The following EXTL3 variants were observed in gnomAD, a reference collection of about 807,000 sequenced individuals.
EXTL3 encodes the protein exostosin-like 3.
In EXTL3, 27 loss-of-function variants were observed where a neutral mutation model predicts 69.3. That is an observed-to-expected ratio of 0.39 (90% CI 0.29 to 0.54). The LOEUF (loss-of-function observed/expected upper bound fraction) is 0.54. Ranked by LOEUF, EXTL3 falls within the 20% of genes least tolerant of loss-of-function variation. The pLI, the probability that EXTL3 is intolerant of heterozygous loss-of-function variation, is 0.69. For synonymous variants in EXTL3, 511 were observed against 499.4 expected (o/e 1.02, Z -0.31); for missense variants, 1,003 against 1,231.8 (o/e 0.81, Z 2.78).
At chr8:28,702,465 C>T (rs1271348885) in intron 1 of EXTL3, among the ~76,000 whole-genome samples, 1 of 152,226 alleles carries the variant, frequency 6.6e-6, no homozygotes, top group East Asian at 1.9e-4. Flanking sequence ...GTGCTGCTTT[C>T]TCTTCCCCAC....
rs946108865 is a variant in EXTL3 at position 28,654,924 on chromosome 8, A to ATG, written c.-53+32114_-53+32115insTG. Among the ~76,000 whole-genome samples the ATG allele has an allele frequency of 2.2e-4, 33 of 152,178 alleles. 1 individual carries two copies. Among genetic ancestry groups the ATG allele is most frequent in the Admixed American group, 1.8e-3 (28 of 15,270 alleles). ...AAACAGAGAACTATTATTTAGTCAA[A>ATG]CCTTTTGGGCTTAGAGAAATAAAAT... On this transcript the variant is annotated intron_variant, in intron 1 of 6. Coordinates refer to the EXTL3 transcript ENST00000523149.
Position 28,623,885 on chromosome 8 carries a change from G to A in EXTL3, c.-53+1075G>A, listed in dbSNP as rs188955861. On this transcript the variant is annotated intron_variant, in intron 1 of 6. Coordinates refer to the EXTL3 transcript ENST00000523149. This position sits in a 1 kb window ranked among gnomAD's most constrained non-coding sequence, Gnocchi z 4.2. ...GCAGATGGGAAATCAGGCAAGCTTG[G>A]TTTTAAAACGTTTCTGCCTCTGAGA... Among the ~76,000 whole-genome samples the A allele has an allele frequency of 7.2e-5, 11 of 152,278 alleles. No homozygotes were observed. In the East Asian group the frequency reaches 1.7e-3, roughly 24 times the overall value.
At chr8:28,675,218 G>A (rs1313218912) in intron 1 of EXTL3, among the ~76,000 whole-genome samples, 1 of 152,128 alleles carries the variant, frequency 6.6e-6, no homozygotes, top group East Asian at 1.9e-4. Flanking sequence ...TTAGAAATAA[G>A]AGATTCCCTA....
chr8:28,629,512 C>A (rs1314174639), intron 1 of EXTL3, among the ~76,000 whole-genome samples: 3 of 152,080 alleles, frequency 2.0e-5, no homozygotes, highest in South Asian at 4.1e-4. Flanking sequence ...CATCTGCCAT[C>A]TTTATTCTAG....
At chr8:28,637,387 A>G (rs1185031140) in intron 1 of EXTL3, 1 of 152,282 alleles carries the variant, frequency 6.6e-6, no homozygotes, top group Non-Finnish European at 1.5e-5. Flanking sequence ...TGGAGACAGG[A>G]GAGACTGTCA....
downstream of EXTL3, among the ~76,000 whole-genome samples, chr8:28,755,969 A>G (rs1230951804): frequency 6.6e-6 from 1 of 152,072 alleles, no homozygotes; most frequent in Non-Finnish European, 1.5e-5. Flanking sequence ...CCTGCCATTC[A>G]TCCTTTCATG....
Position 28,623,633 on chromosome 8 carries a change from T to C in EXTL3, c.-53+823T>C, listed in dbSNP as rs959339063. On this transcript the variant is annotated intron_variant, in intron 1 of 6. Coordinates refer to the EXTL3 transcript ENST00000523149. This position sits in a 1 kb window ranked among gnomAD's most constrained non-coding sequence, Gnocchi z 4.2. ...ACTTTTCAAGGCTTGGCAAAGCACGTGTGTCTTTTGATCCTTATCCCCCAT... is the reference window on the plus strand; with the variant it reads ...ACTTTTCAAGGCTTGGCAAAGCACGCGTGTCTTTTGATCCTTATCCCCCAT... 6.6e-6 allele frequency among the ~76,000 whole-genome samples: 1 copy of C among 152,210 alleles called. No individual in the cohort carries two copies. Among genetic ancestry groups the C allele is most frequent in the African/African-American group, 2.4e-5 (1 of 41,452 alleles).
intron 1 of EXTL3, among the ~76,000 whole-genome samples, chr8:28,708,244 T>G (rs918441244): frequency 3.3e-5 from 5 of 152,198 alleles, no homozygotes; most frequent in African/African-American, 1.2e-4. Flanking sequence ...TCGTTTTGCT[T>G]TTTAATTGCT....
intron 3 of EXTL3, among the ~76,000 whole-genome samples, chr8:28,720,818 A>G (rs1231101741): frequency 6.6e-6 from 1 of 152,204 alleles, no homozygotes; most frequent in East Asian, 1.9e-4. Context: ...TTGTAAACAC[A>G]TGGATCAGGT....
At chr8:28,695,424 G>C (rs576465719) in intron 1 of EXTL3, among the ~76,000 whole-genome samples, 16 of 152,286 alleles carry the variant, frequency 1.1e-4, no homozygotes, top group African/African-American at 3.6e-4. Flanking sequence ...AAATAGTAAG[G>C]CTACATAAGC....
chr8:28,607,792 T>C (rs1201822173), intron 2 of EXTL3: 4 of 152,144 alleles, frequency 2.6e-5, no homozygotes, highest in African/African-American at 9.7e-5. Context: ...GCACAGAGCA[T>C]TGGGAACACA....
At chr8:28,705,302 A>C (rs1800897969) in intron 1 of EXTL3, among the ~76,000 whole-genome samples, 1 of 152,218 alleles carries the variant, frequency 6.6e-6, no homozygotes, top group African/African-American at 2.4e-5. Flanking sequence ...CTTATGAGTC[A>C]AGAACGAGGA....
intron 1 of EXTL3, among the ~76,000 whole-genome samples, chr8:28,627,778 T>G (rs1314029930): frequency 6.6e-6 from 1 of 152,204 alleles, no homozygotes; most frequent in Non-Finnish European, 1.5e-5. Flanking sequence ...TTCTGACACA[T>G]GCTACAACAT....
intron 1 of EXTL3, among the ~76,000 whole-genome samples, chr8:28,639,642 C>T (rs1340809552): frequency 2.0e-5 from 3 of 152,220 alleles, no homozygotes; most frequent in Non-Finnish European, 2.9e-5. Flanking sequence ...ACTCCCTCCA[C>T]CTGGACGGTT....
At chr8:28,715,203 A>G (rs959629769) in intron 2 of EXTL3, among the ~76,000 whole-genome samples, 2 of 152,244 alleles carry the variant, frequency 1.3e-5, no homozygotes, top group African/African-American at 4.8e-5. Flanking sequence ...CAGGTTGGCT[A>G]GGAAGGTATT....
At chr8:28,660,080 G>T (rs1807082430) in intron 1 of EXTL3, among the ~76,000 whole-genome samples, 18 of 152,190 alleles carry the variant, frequency 1.2e-4, no homozygotes. Flanking sequence ...AAATAAAGTT[G>T]GGCCGGGTAC....
chr8:28,691,062 A>T (rs1800607236), intron 1 of EXTL3, among the ~76,000 whole-genome samples: 1 of 152,206 alleles, frequency 6.6e-6, no homozygotes, highest in African/African-American at 2.4e-5. Context: ...TAGTTACCAG[A>T]CTTTTAGGTT....
chr8:28,695,417 TAGTA>T (rs1436329132), intron 1 of EXTL3, among the ~76,000 whole-genome samples: 2 of 152,142 alleles, frequency 1.3e-5, no homozygotes, highest in African/African-American at 2.4e-5. Flanking sequence ...ATTTTTTAAA[TAGTA>T]AGGCTACATA....
chr8:28,623,175 C>CG lies in EXTL3; in HGVS notation c.-53+370dup, dbSNP rs1418419257. Among the ~76,000 whole-genome samples the CG allele has an allele frequency of 6.6e-6, 1 of 152,088 alleles. No individual in the cohort carries two copies. Among genetic ancestry groups the CG allele is most frequent in the Non-Finnish European group, 1.5e-5 (1 of 67,990 alleles). ...GCAGGGGTCCGTATCACACTGTGGG[C>CG]GGGGGTCCCGACCCCTGCTGCCTCG... On this transcript the variant is annotated intron_variant, in intron 1 of 6. Coordinates refer to the EXTL3 transcript ENST00000523149. This position sits in a 1 kb window ranked among gnomAD's most constrained non-coding sequence, Gnocchi z 4.2.
Sources: gnomAD v4.1 joint callset for allele counts (sites outside exome capture counted in the v4.1 genomes callset) on GRCh38, gnomAD v4.1.1 for gene constraint, Gnocchi (gnomAD v3.1) non-coding constraint, MANE v1.5 for transcripts, NCBI Gene and HGNC (gene_info 2026-07-23, HGNC 2026-07-21) for gene names.